Variants in CNTN5 observed in about 807,000 individuals in gnomAD.
CNTN5 encodes contactin-5.
In CNTN5, 77 loss-of-function variants were observed where a neutral mutation model predicts 129.1. That is an observed-to-expected ratio of 0.60 (90% CI 0.50 to 0.72). The LOEUF is 0.72. Ranked by LOEUF, CNTN5 falls within the 30% of genes least tolerant of loss-of-function variation. CNTN5 has a pLI of 0.00. For synonymous variants in CNTN5, 509 were observed against 465.6 expected (o/e 1.09, Z -1.20); for missense variants, 1,478 against 1,328.8 (o/e 1.11, Z -1.75).
intron 9 of CNTN5, among the ~76,000 whole-genome samples, chr11:100,010,438 G>A (rs11222342): frequency 0.038 from 5,746 of 152,058 alleles, 329 homozygotes; most frequent in East Asian, 0.21. Flanking sequence ...GAAAGTGTTG[G>A]GAAAAAACTT....
intron 3 of CNTN5, among the ~76,000 whole-genome samples, chr11:99,702,206 G>A (rs1424866493): frequency 2.0e-5 from 3 of 150,788 alleles, no homozygotes; most frequent in Non-Finnish European, 4.5e-5. Flanking sequence ...TGCAGCCCCA[G>A]TTTATTGTAA....
intron 3 of CNTN5, among the ~76,000 whole-genome samples, chr11:99,653,982 TAA>T (rs144918513): frequency 1.3e-5 from 2 of 149,018 alleles, no homozygotes; most frequent in African/African-American, 2.5e-5. Context: ...TTATTTCTAT[TAA>T]AAAAAAAATC....
chr11:99,271,121 G>A (rs1863150868), intron 1 of CNTN5, among the ~76,000 whole-genome samples: 1 of 151,814 alleles, frequency 6.6e-6, no homozygotes, highest in Non-Finnish European at 1.5e-5. Flanking sequence ...TCCATTTGTT[G>A]TGTAACAAAA....
intron 7 of CNTN5, among the ~76,000 whole-genome samples, chr11:99,927,097 G>A (rs184233115): frequency 6.6e-6 from 1 of 152,246 alleles, no homozygotes; most frequent in Admixed American, 6.5e-5. Flanking sequence ...GGTTACTTGA[G>A]TTATATTATT....
At chr11:99,265,009 A>C (rs1565448234) in intron 1 of CNTN5, among the ~76,000 whole-genome samples, 1 of 151,978 alleles carries the variant, frequency 6.6e-6, no homozygotes, top group Non-Finnish European at 1.5e-5. Context: ...TACAAAAAAC[A>C]AGCACAATCT....
At position 99,319,423 on chromosome 11, in the gene CNTN5, A is replaced by G. The variant is rs542815074; in HGVS notation, c.-209-5923A>G. Among the ~76,000 whole-genome samples the G allele has an allele frequency of 2.5e-4, 38 of 152,234 alleles. No homozygotes were observed. In the South Asian group the frequency reaches 5.4e-3, roughly 22 times the overall value. On this transcript the variant is annotated intron_variant, in intron 1 of 24. Transcript: ENST00000524871. ...AAAAGCCTTCTCTGAATGCTCAGTA[A>G]TGGGCTGGATGCCCTTCCTGTGATT...
At chr11:99,788,134 A>C (rs912105203) in intron 3 of CNTN5, among the ~76,000 whole-genome samples, 22 of 151,852 alleles carry the variant, frequency 1.4e-4, no homozygotes, top group African/African-American at 5.1e-4. Context: ...CAGTTTGTAC[A>C]CTTTTTCTGT....
At chr11:100,155,642 C>T (rs1591326740) in intron 13 of CNTN5, among the ~76,000 whole-genome samples, 1 of 152,216 alleles carries the variant, frequency 6.6e-6, no homozygotes, top group East Asian at 1.9e-4. Flanking sequence ...TTGATTCTTC[C>T]TATCCATGCA....
chr11:100,346,216 A>C (rs912786660), intron 23 of CNTN5, among the ~76,000 whole-genome samples: 1 of 152,150 alleles, frequency 6.6e-6, no homozygotes, highest in East Asian at 1.9e-4. Flanking sequence ...AACTCCTATA[A>C]TTTGGGGTCT....
intron 23 of CNTN5, 98 bp downstream of exon 23, chr11:100,341,303 C>T: frequency 1.2e-6 from 1 of 821,808 alleles, no homozygotes; most frequent in Non-Finnish European, 2.0e-6. Context: ...CATTAACCAA[C>T]CTATTTTTTC....
chr11:99,699,725 C>T (rs1184789789), intron 3 of CNTN5, among the ~76,000 whole-genome samples: 3 of 151,406 alleles, frequency 2.0e-5, no homozygotes, highest in Non-Finnish European at 4.4e-5. Flanking sequence ...GAGCTTTAAA[C>T]ACCTCACTAC....
At chr11:99,847,000 AAACT>A (rs1947720357) in intron 6 of CNTN5, among the ~76,000 whole-genome samples, 1 of 152,238 alleles carries the variant, frequency 6.6e-6, no homozygotes, top group South Asian at 2.1e-4. Flanking sequence ...GTAGCCTAAT[AAACT>A]AAATAAATAA....
intron 3 of CNTN5, among the ~76,000 whole-genome samples, chr11:99,657,257 GA>G (rs765124898): frequency 3.9e-4 from 60 of 152,012 alleles, no homozygotes; most frequent in Non-Finnish European, 7.2e-4. Flanking sequence ...AGAAGTGTTT[GA>G]AAAACATCAA....
At chr11:99,257,663 C>T (rs940178876) in intron 1 of CNTN5, among the ~76,000 whole-genome samples, 1 of 152,000 alleles carries the variant, frequency 6.6e-6, no homozygotes. Context: ...AATAAATATA[C>T]TCATTTCTGA....
At chr11:99,969,642 C>G in intron 8 of CNTN5, among the ~76,000 whole-genome samples, 1 of 152,120 alleles carries the variant, frequency 6.6e-6, no homozygotes, top group East Asian at 1.9e-4. Flanking sequence ...ATTATTCTGA[C>G]CGCTCTGTAG....
intron 1 of CNTN5, among the ~76,000 whole-genome samples, chr11:99,175,857 G>A (rs1429310524): frequency 6.6e-6 from 1 of 151,872 alleles, no homozygotes; most frequent in Non-Finnish European, 1.5e-5. Flanking sequence ...TTATGAATTT[G>A]GATGAATAAA....
At chr11:100,323,326 T>A (rs1157259687) in intron 21 of CNTN5, among the ~76,000 whole-genome samples, 2 of 152,202 alleles carry the variant, frequency 1.3e-5, no homozygotes, top group Non-Finnish European at 2.9e-5. Flanking sequence ...CAACGGCTCT[T>A]TCTGATTAAC....
chr11:99,441,164 G>A (rs564757503), intron 2 of CNTN5, among the ~76,000 whole-genome samples: 79 of 152,142 alleles, frequency 5.2e-4, no homozygotes, highest in African/African-American at 1.8e-3. Context: ...TGTGAGCCTT[G>A]CATTTTCTCT....
Position 99,939,427 on chromosome 11 carries a change from T to G in CNTN5, c.674-17379T>G, listed in dbSNP as rs1348732108. 3.3e-5 allele frequency among the ~76,000 whole-genome samples: 5 copies of G among 152,232 alleles called. No individual in the cohort carries two copies. In the East Asian group the frequency reaches 9.6e-4, roughly 29 times the overall value. On this transcript the variant is annotated intron_variant, in intron 7 of 24. Transcript: ENST00000524871. ...ATTGAGTAAAAAGAAGTCAGTTTAA[T>G]GCATTGATTCAGAATTCTTCACATT... is the stretch of plus-strand genomic sequence containing the variant.
Sources: gnomAD v4.1 joint callset for allele counts (sites outside exome capture counted in the v4.1 genomes callset) on GRCh38, gnomAD v4.1.1 for gene constraint, MANE v1.5 for transcripts, NCBI Gene and HGNC (gene_info 2026-07-23, HGNC 2026-07-21) for gene names.